The following LDHC variants were observed in gnomAD, a reference collection of about 807,000 sequenced individuals.
The protein encoded by LDHC is L-lactate dehydrogenase C chain.
In LDHC, 20 loss-of-function variants were observed where a neutral mutation model predicts 30.2. The observed-to-expected ratio is 0.66, with a 90% CI of 0.47 to 0.96. The LOEUF (loss-of-function observed/expected upper bound fraction) is 0.96, where lower values mean the gene tolerates loss of function less well. Among genes scored for constraint, LDHC ranks in the 40% least tolerant of loss-of-function variants. LDHC has a pLI of 0.00. For missense variants in LDHC, 362 were observed against 394.9 expected, an observed-to-expected ratio of 0.92 and a Z score of 0.71; for synonymous variants, 139 against 132.7, an observed-to-expected ratio of 1.05 and a Z score of -0.32.
In LDHC at chr11:18,451,792, TAAAG is replaced by T. The variant is rs1242138259; in HGVS notation, c.*669_*672del. ...TAGCAACACCCCATCTCTACAAAAATAAAGAAATTAGATGTGGTGGCCTGCATCT... is the reference window on the plus strand; with the variant it reads ...TAGCAACACCCCATCTCTACAAAAATAAATTAGATGTGGTGGCCTGCATCT... On this transcript the variant is annotated 3_prime_UTR_variant, in exon 8 of 8. Coordinates refer to ENST00000541669, the MANE Select transcript of LDHC (RefSeq NM_017448.5). 3 of 151,896 alleles carry T rather than the reference TAAAG, an allele frequency of 2.0e-5. No homozygotes were observed. Among genetic ancestry groups the T allele is most frequent in the Non-Finnish European group, 2.9e-5 (2 of 68,044 alleles). 9.4% of individuals were successfully genotyped at this position (151,896 alleles called of 1,614,324 possible). A position where few individuals can be genotyped will look rare whatever the true frequency, so the allele number is the denominator to read the frequency against.
At chr11:18,417,204 A>G (rs1867038848) in intron 3 of LDHC, among the ~76,000 whole-genome samples, 1 of 152,140 alleles carries the variant, frequency 6.6e-6, no homozygotes, top group Admixed American at 6.6e-5. Context: ...ATTTATAGGC[A>G]TGGTCTTAGC....
chr11:18,444,738 G>C (rs1848527517), intron 6 of LDHC, among the ~76,000 whole-genome samples: 1 of 149,858 alleles, frequency 6.7e-6, no homozygotes, highest in African/African-American at 2.4e-5. Context: ...AATGATATAT[G>C]CTGGACAGTC....
chr11:18,448,820 G>C (rs112238426), intron 7 of LDHC, among the ~76,000 whole-genome samples: 1,636 of 150,984 alleles, frequency 0.011, 29 homozygotes, highest in African/African-American at 0.038. Context: ...AAGAGCAAAT[G>C]AGAACAAATT....
chr11:18,448,615 T>C lies in LDHC; in HGVS notation c.834+2282T>C, dbSNP rs1171308001. Among the ~76,000 whole-genome samples, 3 of 152,174 alleles carry C rather than the reference T, an allele frequency of 2.0e-5. No homozygotes were observed. In the East Asian group the frequency reaches 5.8e-4, roughly 29 times the overall value. On this transcript the variant is annotated intron_variant, in intron 7 of 7. Transcript: ENST00000541669. ...ATTTTATAGGGAACATTTAAACATT[T>C]GACGTTACAAGCAGAGTCATTTGTA...
intron 6 of LDHC, among the ~76,000 whole-genome samples, chr11:18,445,420 A>C (rs2698563): frequency 0.12 from 17,499 of 152,070 alleles, 1,188 homozygotes; most frequent in East Asian, 0.32. Flanking sequence ...GCTGGTCTCG[A>C]ACTTCTGACC....
chr11:18,448,099 A>G (rs1848586888), intron 7 of LDHC, among the ~76,000 whole-genome samples: 1 of 151,308 alleles, frequency 6.6e-6, no homozygotes, highest in South Asian at 2.1e-4. Context: ...AGAGTACACA[A>G]TGGATACCAC....
intron 6 of LDHC, among the ~76,000 whole-genome samples, chr11:18,442,330 G>C (rs943410484): frequency 1.3e-5 from 2 of 152,008 alleles, no homozygotes; most frequent in African/African-American, 4.8e-5. Context: ...GTTACTTCTG[G>C]CTTTTTCGAA....
At position 18,446,206 on chromosome 11, in the gene LDHC, G is replaced by A. The variant is rs773161404; in HGVS notation, c.711-4G>A. On this transcript the variant is annotated splice_region_variant and splice_polypyrimidine_tract_variant and intron_variant, in intron 6 of 7. Transcript: ENST00000541669. ...TTTGATTTTCTTACTTTCTACAACT[G>A]TAGTGCCTATGAAATTATCAAGCTG... 26 of 1,597,730 alleles carry A rather than the reference G, an allele frequency of 1.6e-5. No individual in the cohort carries two copies. The highest frequency in any genetic ancestry group is 1.7e-4 in the Middle Eastern group (1 of 6,030).
intron 4 of LDHC, among the ~76,000 whole-genome samples, chr11:18,430,256 C>T (rs1039767514): frequency 6.6e-6 from 1 of 152,088 alleles, no homozygotes; most frequent in African/African-American, 2.4e-5. Flanking sequence ...GGGATTCATC[C>T]ATATTAGTGA....
At chr11:18,439,074 A>G (rs1290620185) in intron 6 of LDHC, among the ~76,000 whole-genome samples, 1 of 152,214 alleles carries the variant, frequency 6.6e-6, no homozygotes, top group Non-Finnish European at 1.5e-5. Context: ...GTAAAATGCT[A>G]GAACCATGCC....
chr11:18,444,604 G>GTATATATA (rs60764598), intron 6 of LDHC, among the ~76,000 whole-genome samples: 977 of 88,970 alleles, frequency 0.011, 45 homozygotes, highest in Non-Finnish European at 0.017. Flanking sequence ...TGTTCAGGTG[G>GTATATATA]TATATATATA....
intron 2 of LDHC, among the ~76,000 whole-genome samples, chr11:18,414,449 AG>A (rs1458133901): frequency 1.3e-5 from 2 of 152,232 alleles, no homozygotes; most frequent in African/African-American, 4.8e-5. Flanking sequence ...TGTTCATCAG[AG>A]GTGGTTACCT....
At chr11:18,431,917 A>G (rs1848273948) in intron 4 of LDHC, among the ~76,000 whole-genome samples, 1 of 152,148 alleles carries the variant, frequency 6.6e-6, no homozygotes. Context: ...TCAAAGAACC[A>G]GCTTTTTGTT....
chr11:18,442,347 C>T (rs1419194332), intron 6 of LDHC, among the ~76,000 whole-genome samples: 1 of 152,200 alleles, frequency 6.6e-6, no homozygotes, highest in Non-Finnish European at 1.5e-5. Flanking sequence ...CGAAAGGGCT[C>T]AAATCCACTG....
intron 3 of LDHC, among the ~76,000 whole-genome samples, chr11:18,418,473 AG>A (rs1274109216): frequency 6.6e-6 from 1 of 151,802 alleles, no homozygotes; most frequent in Non-Finnish European, 1.5e-5. Flanking sequence ...TCTGTCACCC[AG>A]GCTGGAGTGC....
At chr11:18,437,504 G>A (rs539628626) in intron 5 of LDHC, among the ~76,000 whole-genome samples, 7 of 152,080 alleles carry the variant, frequency 4.6e-5, no homozygotes, top group African/African-American at 1.7e-4. Flanking sequence ...TATAATCCCA[G>A]CACTTTGGGA....
chr11:18,434,389 T>A (rs1424572117), intron 4 of LDHC, among the ~76,000 whole-genome samples: 1 of 152,172 alleles, frequency 6.6e-6, no homozygotes, highest in African/African-American at 2.4e-5. Context: ...ACGAGCCTTC[T>A]TTTGTTATAT....
chr11:18,438,733 C>CTT (rs1554964661), intron 6 of LDHC, 88 bp downstream of exon 6: 1 of 662,870 alleles, frequency 1.5e-6, no homozygotes, highest in Non-Finnish European at 2.7e-6. Flanking sequence ...TTGATCCTTG[C>CTT]TTTTTGTGAG....
intron 5 of LDHC, 86 bp downstream of exon 5, chr11:18,434,999 A>C: frequency 2.3e-6 from 2 of 874,326 alleles, no homozygotes; most frequent in East Asian, 2.6e-5. Flanking sequence ...CCCTGATATT[A>C]ATATAGTTGT....
Sources: gnomAD v4.1 joint callset for allele counts (sites outside exome capture counted in the v4.1 genomes callset) on GRCh38, gnomAD v4.1.1 for gene constraint, MANE v1.5 for transcripts, NCBI Gene and HGNC (gene_info 2026-07-23, HGNC 2026-07-21) for gene names.